PPP1CB: variants seen among roughly 807,000 people sequenced by gnomAD.
The protein encoded by PPP1CB is serine/threonine-protein phosphatase PP1-beta catalytic subunit.
PPP1CB carries 2 observed loss-of-function variants against 43.7 expected under a neutral mutation model. That is an observed-to-expected ratio of 0.05 (90% CI 0.02 to 0.14). The LOEUF is 0.14. Among genes scored for constraint, PPP1CB ranks in the 10% least tolerant of loss-of-function variants. PPP1CB has a pLI of 1.00. For synonymous variants in PPP1CB, 136 were observed against 135.6 expected, an observed-to-expected ratio of 1.00 and a Z score of -0.02; for missense variants, 84 against 398.0, an observed-to-expected ratio of 0.21 and a Z score of 6.71.
At chr2:28,774,526 A>G (rs1666989396) in intron 1 of PPP1CB, among the ~76,000 whole-genome samples, 1 of 152,064 alleles carries the variant, frequency 6.6e-6, no homozygotes, top group Non-Finnish European at 1.5e-5. Context: ...CCTGGGTTCA[A>G]GGAGTTCTCC....
chr2:28,752,064 A>T lies in PPP1CB; in HGVS notation c.-61A>T. On this transcript the variant is annotated 5_prime_UTR_variant, in exon 1 of 8. Coordinates refer to ENST00000395366, the MANE Select transcript of PPP1CB (RefSeq NM_002709.3). ...TGAGAGAACGCCGAGCCGTCGCCGC[A>T]GCCTCCGCCGCCGAGAAGCCCTTGT... 6.7e-7 allele frequency: 1 copy of T among 1,503,652 alleles called. No individual in the cohort carries two copies. Among genetic ancestry groups the T allele is most frequent in the South Asian group, 1.2e-5 (1 of 83,074 alleles). The allele number at this position is 1,503,652 out of a possible 1,614,324, so 93.1% of individuals were successfully genotyped here. A position where few individuals can be genotyped will look rare whatever the true frequency, so the allele number is the denominator to read the frequency against.
At chr2:28,786,774 C>CAAA (rs70956040) in intron 5 of PPP1CB, among the ~76,000 whole-genome samples, 3,967 of 94,800 alleles carry the variant, frequency 0.042, 298 homozygotes, top group East Asian at 0.099. Context: ...GACTCCGTCT[C>CAAA]AAAAAAAAAA....
intron 3 of PPP1CB, among the ~76,000 whole-genome samples, chr2:28,780,520 A>G (rs939985786): frequency 2.6e-5 from 4 of 152,228 alleles, no homozygotes; most frequent in Non-Finnish European, 5.9e-5. Context: ...GAGTACATCA[A>G]ACTACAACAT....
chr2:28,752,923 A>G (rs938320926), intron 1 of PPP1CB, among the ~76,000 whole-genome samples: 4 of 152,210 alleles, frequency 2.6e-5, no homozygotes, highest in South Asian at 2.1e-4. Flanking sequence ...GTGAAAATCT[A>G]TTTTTAAAGC....
intron 3 of PPP1CB, 119 bp from the exon 4 acceptor site, chr2:28,781,619 T>C: frequency 1.4e-6 from 1 of 731,970 alleles, no homozygotes; most frequent in African/African-American, 1.8e-5. Flanking sequence ...AAAGTTCTTC[T>C]TTATAGATAA....
chr2:28,784,726 C>T (rs982093097), intron 5 of PPP1CB, among the ~76,000 whole-genome samples: 5 of 151,836 alleles, frequency 3.3e-5, no homozygotes, highest in African/African-American at 9.7e-5. Context: ...CCAGACCAGC[C>T]TGGCCAACGT....
At chr2:28,766,222 C>T (rs574026535) in intron 1 of PPP1CB, among the ~76,000 whole-genome samples, 1 of 152,274 alleles carries the variant, frequency 6.6e-6, no homozygotes, top group South Asian at 2.1e-4. Flanking sequence ...AAATAAATTA[C>T]AATAAAGCTG....
chr2:28,781,425 C>T (rs960350568), intron 3 of PPP1CB, among the ~76,000 whole-genome samples: 4 of 152,118 alleles, frequency 2.6e-5, no homozygotes, highest in Admixed American at 6.6e-5. Context: ...GTTATACAAT[C>T]GATCTTCTGT....
At chr2:28,787,508 CA>C (rs1249178193) in intron 5 of PPP1CB, among the ~76,000 whole-genome samples, 91 of 152,278 alleles carry the variant, frequency 6.0e-4, no homozygotes, top group African/African-American at 2.1e-3. Context: ...CTTAGAAAAT[CA>C]CCATCACCAT....
chr2:28,787,753 T>TGA (rs1229756288), intron 5 of PPP1CB, among the ~76,000 whole-genome samples: 3 of 152,202 alleles, frequency 2.0e-5, no homozygotes, highest in Non-Finnish European at 2.9e-5. Flanking sequence ...TCCTTCTCAA[T>TGA]ACCTAATGTT....
At chr2:28,776,328 TCTC>T (rs1358611841) in intron 1 of PPP1CB, among the ~76,000 whole-genome samples, 8 of 151,982 alleles carry the variant, frequency 5.3e-5, no homozygotes, top group African/African-American at 1.9e-4. Context: ...AATGGGGCGA[TCTC>T]AGCTCACTGC....
rs1375766804 is a variant in PPP1CB, at chr2:28,802,207, A to G, written c.*2904A>G. On this transcript the variant is annotated 3_prime_UTR_variant, in exon 8 of 8. Transcript: ENST00000395366. Reference sequence around the variant, plus strand: ...ATCTTGAGATATGTCTCAAGAATATAAAGATGTATTATTTTAAGCCAAGGA... The same window carrying G: ...ATCTTGAGATATGTCTCAAGAATATGAAGATGTATTATTTTAAGCCAAGGA... 5 of 152,216 alleles carry G rather than the reference A, an allele frequency of 3.3e-5. No homozygotes were observed. Among genetic ancestry groups the G allele is most frequent in the Non-Finnish European group, 5.9e-5 (4 of 68,044 alleles). The allele number at this position is 152,216 out of a possible 1,614,324, so 9.4% of individuals were successfully genotyped here. A position where few individuals can be genotyped will look rare whatever the true frequency, so the allele number is the denominator to read the frequency against.
intron 1 of PPP1CB, among the ~76,000 whole-genome samples, chr2:28,757,219 T>C (rs532801211): frequency 1.3e-5 from 2 of 152,370 alleles, no homozygotes; most frequent in African/African-American, 4.8e-5. Context: ...ACTTTATTCC[T>C]TTTATGGCTG....
chr2:28,768,238 C>T (rs112503981), intron 1 of PPP1CB, among the ~76,000 whole-genome samples: 64 of 152,196 alleles, frequency 4.2e-4, no homozygotes, highest in African/African-American at 1.5e-3. Flanking sequence ...GGAGACATTT[C>T]CTAGTTTGTG....
intron 7 of PPP1CB, among the ~76,000 whole-genome samples, chr2:28,796,152 T>C (rs1199104714): frequency 6.6e-6 from 1 of 150,652 alleles, no homozygotes; most frequent in Non-Finnish European, 1.5e-5. Flanking sequence ...GGTTTATATG[T>C]CTGTTTTGGT....
intron 6 of PPP1CB, among the ~76,000 whole-genome samples, chr2:28,791,579 C>T (rs574693033): frequency 3.9e-5 from 6 of 152,228 alleles, no homozygotes; most frequent in Admixed American, 6.5e-5. Context: ...CTGCCCGCCT[C>T]GGCCTCCCAA....
At chr2:28,781,246 A>G (rs1667153035) in intron 3 of PPP1CB, among the ~76,000 whole-genome samples, 2 of 152,126 alleles carry the variant, frequency 1.3e-5, no homozygotes. Flanking sequence ...CTATGTATTT[A>G]TGATGTACAA....
chr2:28,778,509 T>G, intron 2 of PPP1CB: 1 of 495,188 alleles, frequency 2.0e-6, no homozygotes, highest in Non-Finnish European at 4.1e-6. Context: ...AAATGAGCTG[T>G]TGGTCAGAGG....
intron 1 of PPP1CB, among the ~76,000 whole-genome samples, chr2:28,763,751 C>G (rs1414660043): frequency 6.6e-6 from 1 of 152,200 alleles, no homozygotes; most frequent in Non-Finnish European, 1.5e-5. Context: ...GTCACCCAGG[C>G]TGGAGTGCAG....
Sources: allele counts gnomAD v4.1 joint callset (sites outside exome capture counted in the v4.1 genomes callset), GRCh38; gene constraint gnomAD v4.1.1; transcripts MANE v1.5; gene names NCBI Gene and HGNC (gene_info 2026-07-23, HGNC 2026-07-21).